The following SEMA3D variants were observed in gnomAD, a reference collection of about 807,000 sequenced individuals.
SEMA3D encodes the protein semaphorin-3D.
In SEMA3D, 84 loss-of-function variants were observed where a neutral mutation model predicts 100.1. That is an observed-to-expected ratio of 0.84 (90% CI 0.70 to 1.01). SEMA3D has a LOEUF of 1.01. Ranked by LOEUF, SEMA3D falls within the 50% of genes least tolerant of loss-of-function variation. The probability of loss-of-function intolerance (pLI) is 0.00; values close to 1 mark genes in which losing one functional copy is unlikely to be tolerated. For synonymous variants in SEMA3D, 312 were observed against 320.7 expected (o/e 0.97, Z 0.29); for missense variants, 875 against 934.1 (o/e 0.94, Z 0.82).
At chr7:85,070,813 C>T (rs976128964) in intron 6 of SEMA3D, among the ~76,000 whole-genome samples, 1 of 152,140 alleles carries the variant, frequency 6.6e-6, no homozygotes, top group African/African-American at 2.4e-5. Flanking sequence ...GACAGTCTTG[C>T]TCTGTCGCCC....
chr7:85,175,850 C>A (rs532874241), intron 1 of SEMA3D, among the ~76,000 whole-genome samples: 40 of 151,722 alleles, frequency 2.6e-4, no homozygotes, highest in Non-Finnish European at 5.3e-4. Context: ...GTGGTCAAAA[C>A]AATGAATTTT....
chr7:85,193,364 C>A, the SEMA3D span, among the ~76,000 whole-genome samples: 1 of 152,134 alleles, frequency 6.6e-6, no homozygotes, highest in Non-Finnish European at 1.5e-5. Context: ...GGAGCTGTAA[C>A]TGGTCCTCAC....
At chr7:85,059,784 A>G (rs895049449) in intron 8 of SEMA3D, among the ~76,000 whole-genome samples, 8 of 152,210 alleles carry the variant, frequency 5.3e-5, no homozygotes, top group Admixed American at 1.3e-4. Flanking sequence ...TAATTAAAAG[A>G]AAAAAGAGCA....
chr7:85,229,714 T>A, the SEMA3D span, among the ~76,000 whole-genome samples: 4 of 152,124 alleles, frequency 2.6e-5, no homozygotes, highest in Non-Finnish European at 4.4e-5. Context: ...TAATAGAACT[T>A]TGCACATTTT....
chr7:85,005,816 C>T (rs1376767400), intron 18 of SEMA3D, among the ~76,000 whole-genome samples: 1 of 151,912 alleles, frequency 6.6e-6, no homozygotes, highest in Non-Finnish European at 1.5e-5. Context: ...CCAGACATCG[C>T]CCAATATTGG....
intron 16 of SEMA3D, 121 bp from the exon 17 acceptor site, chr7:85,012,967 T>A: frequency 1.5e-6 from 1 of 683,498 alleles, no homozygotes; most frequent in Non-Finnish European, 2.5e-6. Flanking sequence ...CAGTTCAACT[T>A]AAATGCAAGT....
chr7:85,249,853 C>G, the SEMA3D span, among the ~76,000 whole-genome samples: 2 of 151,914 alleles, frequency 1.3e-5, no homozygotes, highest in African/African-American at 4.8e-5. Context: ...TTTTCGATAC[C>G]TGAGGGAGGA....
At chr7:85,145,345 T>A (rs930240681) in intron 2 of SEMA3D, among the ~76,000 whole-genome samples, 5 of 151,976 alleles carry the variant, frequency 3.3e-5, no homozygotes, top group African/African-American at 1.2e-4. Context: ...TTTTATTGGT[T>A]TGGGGGGGAT....
Position 85,068,753 on chromosome 7 carries a change from T to G in SEMA3D, c.496-469A>C, listed in dbSNP as rs565572879. ...ATGTCAAATGACTTAAACCCTGTAA[T>G]AGTTTTTAAAATTATAGTAACATAA... On this transcript the variant is annotated intron_variant, in intron 6 of 18. Transcript: ENST00000284136. Among the ~76,000 whole-genome samples the G allele has an allele frequency of 3.7e-4, 57 of 152,234 alleles. 1 individual carries two copies. In the South Asian group the frequency reaches 0.012, roughly 32 times the overall value.
chr7:85,143,992 T>C (rs1426723214), intron 2 of SEMA3D, among the ~76,000 whole-genome samples: 2 of 152,112 alleles, frequency 1.3e-5, no homozygotes, highest in African/African-American at 4.8e-5. Context: ...ATTACAGGCA[T>C]GAGGCACCGA....
intron 2 of SEMA3D, among the ~76,000 whole-genome samples, chr7:85,145,298 A>G (rs1315135772): frequency 1.3e-5 from 2 of 152,122 alleles, no homozygotes; most frequent in African/African-American, 4.8e-5. Context: ...TGACATACAT[A>G]TGATGGTCTG....
the SEMA3D span, among the ~76,000 whole-genome samples, chr7:85,225,052 A>T: frequency 0.034 from 63 of 1,864 alleles, no homozygotes; most frequent in Non-Finnish European, 0.066. Flanking sequence ...ATTTTCTTTT[A>T]TATATATATA....
intron 2 of SEMA3D, chr7:85,143,100 T>C (rs1790103476): frequency 2.1e-6 from 2 of 949,320 alleles, no homozygotes; most frequent in African/African-American, 3.5e-5. Flanking sequence ...ATAATGACAA[T>C]GAGTACCTAT....
At chr7:85,072,324 C>T (rs2116184804) in intron 6 of SEMA3D, among the ~76,000 whole-genome samples, 1 of 152,248 alleles carries the variant, frequency 6.6e-6, no homozygotes, top group Middle Eastern at 3.4e-3. Flanking sequence ...GTGCCAATGA[C>T]TATACACTTT....
chr7:85,036,934 A>G lies in SEMA3D; in HGVS notation c.1146T>C (p.Arg382=), dbSNP rs759840220. ...PYAHKESADH[R]WVQYDGRIPY... Reference sequence around the variant, plus strand: ...GAATTCTCCCATCATACTGCACCCAACGATGGTCTGCACTTTCCTTATGAG... The same window carrying G: ...GAATTCTCCCATCATACTGCACCCAGCGATGGTCTGCACTTTCCTTATGAG... The change falls in exon 12 of 19, where the codon CGT becomes CGC. Residue 382 remains arginine, a synonymous_variant. Coordinates refer to ENST00000284136, the MANE Select transcript of SEMA3D (RefSeq NM_001384900.1). 6.8e-6 allele frequency: 11 copies of G among 1,613,360 alleles called. No homozygotes were observed. Among genetic ancestry groups the G allele is most frequent in the African/African-American group, 2.7e-5 (2 of 74,872 alleles).
At chr7:85,201,910 G>C in the SEMA3D span, among the ~76,000 whole-genome samples, 1 of 151,616 alleles carries the variant, frequency 6.6e-6, no homozygotes, top group Non-Finnish European at 1.5e-5. Context: ...TGTAGAGAAG[G>C]GGTCTCACTG....
rs745613154 is a variant in SEMA3D, at chr7:85,022,442, C to T, written c.1363G>A (p.Asp455Asn). 3.1e-6 allele frequency: 5 copies of T among 1,612,476 alleles called. No homozygotes were observed. In the South Asian group the frequency reaches 5.5e-5, roughly 18 times the overall value. The change falls in exon 13 of 19, where the codon GAT (aspartate) becomes AAT (asparagine). Residue 455 changes from aspartate to asparagine, a missense_variant. Coordinates refer to ENST00000284136, the MANE Select transcript of SEMA3D (RefSeq NM_001384900.1). The part of the protein sequence containing the change: ...VDYRLTQIVV[D>N]HVIAEDGQYD... ...TGGCCATCTTCTGCAATGACATGAT[C>T]CACCACTATCTGTGTCAGTCTGTAA...
At chr7:85,161,877 C>A (rs1234874811) in intron 1 of SEMA3D, among the ~76,000 whole-genome samples, 1 of 152,010 alleles carries the variant, frequency 6.6e-6, no homozygotes, top group Non-Finnish European at 1.5e-5. Flanking sequence ...TATTAAAACT[C>A]AAAGTGAAGA....
chr7:85,250,003 G>A, the SEMA3D span, among the ~76,000 whole-genome samples: 5 of 152,062 alleles, frequency 3.3e-5, no homozygotes, highest in African/African-American at 7.2e-5. Context: ...CCAGGTCAGC[G>A]GGTGCACGCA....
Sources: allele counts gnomAD v4.1 joint callset (sites outside exome capture counted in the v4.1 genomes callset), GRCh38; gene constraint gnomAD v4.1.1; transcripts MANE v1.5; gene names NCBI Gene and HGNC (gene_info 2026-07-23, HGNC 2026-07-21).